Variants in CFH observed in about 807,000 individuals in gnomAD.
CFH encodes the protein complement factor H, also known as H factor 1 (complement).
CFH carries 53 observed loss-of-function variants against 147.3 expected under a neutral mutation model. The observed-to-expected ratio is 0.36, with a 90% CI of 0.29 to 0.45. The LOEUF is 0.45. Among genes scored for constraint, CFH ranks in the 20% least tolerant of loss-of-function variants. The pLI is 1.00. For missense variants in CFH, 1,380 were observed against 1,498.0 expected (o/e 0.92, Z 1.30); for synonymous variants, 536 against 489.4 (o/e 1.10, Z -1.26).
chr1:196,719,420 C>A lies in CFH; in HGVS notation c.1696+3651C>A, dbSNP rs149022757. ...TTTTAGGAGAGAAATCCCAGTGATT[C>A]TCATTCAAGTGTGATTTTCTCAAAT... On this transcript the variant is annotated intron_variant, in intron 11 of 21. Transcript: ENST00000367429. 2.9e-3 allele frequency among the ~76,000 whole-genome samples: 443 copies of A among 151,954 alleles called. 2 individuals carry two copies. Among genetic ancestry groups the A allele is most frequent in the African/African-American group, 0.01 (424 of 41,532 alleles).
In CFH at chr1:196,737,010, A is replaced by G; in HGVS notation, c.2596+4A>G. 9 of 1,606,506 alleles carry G rather than the reference A, an allele frequency of 5.6e-6. No individual in the cohort carries two copies. The highest frequency in any genetic ancestry group is 6.8e-6 in the Non-Finnish European group (8 of 1,174,468). ...CAGTCAATACCACTCTGTGTTGGTC[A>G]GTAGTGTATAATTTGTTTTACATAA... On this transcript the variant is annotated splice_donor_region_variant and intron_variant, in intron 16 of 21. Transcript: ENST00000367429.
At position 196,737,514 on chromosome 1, in the gene CFH, G is replaced by A. The variant is rs866405501; in HGVS notation, c.2636G>A (p.Gly879Glu). 6.2e-7 allele frequency: 1 copy of A among 1,613,088 alleles called. No individual in the cohort carries two copies. Among genetic ancestry groups the A allele is most frequent in the Non-Finnish European group, 8.5e-7 (1 of 1,179,474 alleles). Residue 879 changes from glycine (G) to glutamate (E), a missense_variant, in exon 17 of 22, where the codon GGA becomes GAA. Gly to Glu is a moderately conservative substitution (Grantham distance 98). Transcript: ENST00000367429. ...TCACAACCACCTCAGATAGAACACG[G>A]AACCATTAATTCATCCAGGTCTTCA... ...PCSQPPQIEH[G>E]TINSSRSSQE...
Position 196,742,036 on chromosome 1 carries a change from A to G in CFH, c.3118A>G (p.Arg1040Gly), listed in dbSNP as rs148480839. 5.6e-6 allele frequency: 9 copies of G among 1,614,120 alleles called. No homozygotes were observed. In the African/African-American group the frequency reaches 1.1e-4, roughly 19 times the overall value. Residue 1040 changes from arginine to glycine, a missense_variant, in exon 19 of 22, where the codon AGG becomes GGG. By Grantham distance (125) the Arg-to-Gly change is moderately radical. This residue lies in a region of CFH where 830 missense variants were observed against 821.4 expected (regional missense o/e 1.01). Coordinates refer to ENST00000367429, the MANE Select transcript of CFH (RefSeq NM_000186.4). Reference sequence around the variant, plus strand: ...ATGCATTAATAGCAGATGGACAGGAAGGCCAACATGCAGAGGTACTTTGGT... The same window carrying G: ...ATGCATTAATAGCAGATGGACAGGAGGGCCAACATGCAGAGGTACTTTGGT... ...VTCINSRWTG[R>G]PTCRDTSCVN...
chr1:196,742,413 G>A (rs1019458257), intron 19 of CFH, among the ~76,000 whole-genome samples: 1 of 151,934 alleles, frequency 6.6e-6, no homozygotes, highest in Non-Finnish European at 1.5e-5. Context: ...AAATATATAA[G>A]TACAATTTAT....
chr1:196,688,812 C>G (rs1375657161), intron 7 of CFH, among the ~76,000 whole-genome samples: 4 of 152,056 alleles, frequency 2.6e-5, no homozygotes, highest in Non-Finnish European at 5.9e-5. Context: ...CGGAGTATCA[C>G]CATGTTGGCC....
chr1:196,740,261 C>T (rs1414695452), intron 17 of CFH, among the ~76,000 whole-genome samples: 7 of 152,192 alleles, frequency 4.6e-5, no homozygotes, highest in Non-Finnish European at 8.8e-5. Context: ...TTACATTCTT[C>T]CCACAATGCC....
chr1:196,689,566 C>A lies in CFH; in HGVS notation c.1111C>A (p.His371Asn), dbSNP rs145650378. Residue 371 changes from histidine to asparagine, a missense_variant, in exon 8 of 22, where the codon CAC (histidine) becomes AAC (asparagine). Physicochemically the swap from His to Asn is moderately conservative, Grantham distance 68 (BLOSUM62 1). Transcript: ENST00000367429. Reference sequence around the variant, plus strand: ...GACTCCGTCAGGAAGTTACTGGGATCACATTCATTGCACACAAGATGGATG... The same window carrying A: ...GACTCCGTCAGGAAGTTACTGGGATAACATTCATTGCACACAAGATGGATG... Reference protein sequence around the residue: ...FETPSGSYWDHIHCTQDGWSP... With the variant: ...FETPSGSYWDNIHCTQDGWSP... 6.3e-5 allele frequency: 102 copies of A among 1,613,512 alleles called. No individual in the cohort carries two copies. The African/African-American group carries it at 1.2e-3, about 19-fold the overall frequency.
chr1:196,657,520 T>A (rs960845204), intron 1 of CFH, among the ~76,000 whole-genome samples: 1 of 152,174 alleles, frequency 6.6e-6, no homozygotes. Flanking sequence ...GAGCCAAATG[T>A]AGAATTTAAG....
At chr1:196,664,745 G>A (rs1359761482) in intron 1 of CFH, among the ~76,000 whole-genome samples, 1 of 151,984 alleles carries the variant, frequency 6.6e-6, no homozygotes, top group Non-Finnish European at 1.5e-5. Flanking sequence ...TCAGATGGGT[G>A]TAGCATAATT....
chr1:196,653,018 A>C lies in CFH; in HGVS notation c.58+843A>C, dbSNP rs1420382137. ...CATTTTTAAACTGAATGAATTACAT[A>C]TTATTCATAATTTCTAAAATCTTTT... On this transcript the variant is annotated intron_variant, in intron 1 of 21. Coordinates refer to ENST00000367429, the MANE Select transcript of CFH (RefSeq NM_000186.4). Among the ~76,000 whole-genome samples, 4 of 151,862 alleles carry C rather than the reference A, an allele frequency of 2.6e-5. 1 individual carries two copies. Among genetic ancestry groups the C allele is most frequent in the Non-Finnish European group, 5.9e-5 (4 of 67,812 alleles).
At chr1:196,714,195 A>T (rs1028414797) in intron 10 of CFH, among the ~76,000 whole-genome samples, 1 of 152,048 alleles carries the variant, frequency 6.6e-6, no homozygotes, top group African/African-American at 2.4e-5. Flanking sequence ...ATTTTGCTTT[A>T]GCTGAGACCT....
chr1:196,747,392 T>G lies in CFH; in HGVS notation c.*79T>G. Reference sequence around the variant, plus strand: ...TCAATTTCATTTTTTATGTATTGTTTTACTCCTTTTTATTCATACGTAAAA... The same window carrying G: ...TCAATTTCATTTTTTATGTATTGTTGTACTCCTTTTTATTCATACGTAAAA... On this transcript the variant is annotated 3_prime_UTR_variant, in exon 22 of 22. Transcript: ENST00000367429. 1 of 1,562,996 alleles carries G rather than the reference T, an allele frequency of 6.4e-7. No individual in the cohort carries two copies. Among genetic ancestry groups the G allele is most frequent in the South Asian group, 1.1e-5 (1 of 88,246 alleles).
intron 1 of CFH, among the ~76,000 whole-genome samples, chr1:196,658,407 ATTTTTT>A (rs549213437): frequency 1.1e-4 from 10 of 92,254 alleles, no homozygotes; most frequent in African/African-American, 3.7e-4. Flanking sequence ...TGCTCAGGTA[ATTTTTT>A]TTTTTTTTTT....
In CFH at chr1:196,692,781, TC is replaced by T. The variant is rs1182466370; in HGVS notation, c.1336+2543del. Among the ~76,000 whole-genome samples the T allele has an allele frequency of 2.9e-3, 331 of 114,612 alleles. 9 individuals carry two copies. Among genetic ancestry groups the T allele is most frequent in the Non-Finnish European group, 3.8e-3 (218 of 57,626 alleles). 75.2% of individuals were successfully genotyped at this position (114,612 alleles called of 152,430 possible). A position where few individuals can be genotyped will look rare whatever the true frequency, so the allele number is the denominator to read the frequency against. ...TTCTTTCTTTCTTTCTTTCTTTCTTTCTTTCTTTCTTTCTTTCTTTCTTTCT... is the reference window on the plus strand; with the variant it reads ...TTCTTTCTTTCTTTCTTTCTTTCTTTTTTCTTTCTTTCTTTCTTTCTTTCT... On this transcript the variant is annotated intron_variant, in intron 9 of 21. Coordinates refer to ENST00000367429, the MANE Select transcript of CFH (RefSeq NM_000186.4).
Position 196,673,202 on chromosome 1 carries a change from G to T in CFH, c.244+39G>T, listed in dbSNP as rs756189687. 3.2e-6 allele frequency: 5 copies of T among 1,539,984 alleles called. No individual in the cohort carries two copies. In the African/African-American group the frequency reaches 5.5e-5, roughly 17 times the overall value. The stretch of plus-strand genomic sequence containing the variant: ...ACATTTGTGAAATTTATGAAAACTA[G>T]GTGTAAAAATACTTAAGATTTAATA... On this transcript the variant is annotated intron_variant, in intron 2 of 21. Coordinates refer to ENST00000367429, the MANE Select transcript of CFH (RefSeq NM_000186.4).
intron 21 of CFH, 58 bp downstream of exon 21, chr1:196,746,057 A>G (rs943206515): frequency 7.5e-6 from 12 of 1,609,990 alleles, no homozygotes; most frequent in African/African-American, 6.8e-5. Context: ...CTGATATTTC[A>G]CTGTTTGTAA....
At chr1:196,653,538 C>A (rs891508011) in intron 1 of CFH, among the ~76,000 whole-genome samples, 1 of 151,736 alleles carries the variant, frequency 6.6e-6, no homozygotes, top group Non-Finnish European at 1.5e-5. Context: ...ACATAGATAC[C>A]ATTTGTCATA....
chr1:196,679,864 C>A, intron 6 of CFH, 71 bp downstream of exon 6: 1 of 1,343,144 alleles, frequency 7.4e-7, no homozygotes. Flanking sequence ...TTAATAAATC[C>A]ACTTATTTTA....
At chr1:196,745,463 A>G (rs1356592358) in intron 20 of CFH, among the ~76,000 whole-genome samples, 1 of 152,094 alleles carries the variant, frequency 6.6e-6, no homozygotes, top group Non-Finnish European at 1.5e-5. Flanking sequence ...TTTTTGTCAT[A>G]CTTTTCCATT....
Sources: allele counts gnomAD v4.1 joint callset (sites outside exome capture counted in the v4.1 genomes callset), GRCh38; gene constraint gnomAD v4.1.1; regional missense constraint gnomAD v4.1.1; transcripts MANE v1.5; gene names NCBI Gene and HGNC (gene_info 2026-07-23, HGNC 2026-07-21).